ALOXE3: variants seen among roughly 807,000 people sequenced by gnomAD.
The protein encoded by ALOXE3 is hydroperoxide isomerase ALOXE3.
Under a neutral mutation model 87.5 loss-of-function variants are expected in ALOXE3, and 78 were observed. The observed-to-expected ratio is 0.89, with a 90% confidence interval of 0.74 to 1.08. The LOEUF is 1.08. Among genes scored for constraint, ALOXE3 ranks in the 50% least tolerant of loss-of-function variants. The pLI, the probability that ALOXE3 is intolerant of heterozygous loss-of-function variation, is 0.00. For synonymous variants in ALOXE3, 363 were observed against 370.8 expected, an observed-to-expected ratio of 0.98 and a Z score of 0.24; for missense variants, 946 against 912.4, an observed-to-expected ratio of 1.04 and a Z score of -0.47.
Position 8,103,511 on chromosome 17 carries a change from C to G in ALOXE3, c.1786-18G>C. ...AAGTCATGCTGTGGAGACCCCCATC[C>G]CAGTTGGGTCAGTTGGCCAGAAGGG... On this transcript the variant is annotated intron_variant, in intron 14 of 15. Transcript: ENST00000448843. 6.2e-7 allele frequency: 1 copy of G among 1,613,532 alleles called. No homozygotes were observed. The highest frequency in any genetic ancestry group is 8.5e-7 in the Non-Finnish European group (1 of 1,179,866).
intron 2 of ALOXE3, 77 bp from the exon 3 acceptor site, chr17:8,117,057 T>G: frequency 6.5e-5 from 83 of 1,270,388 alleles, no homozygotes; most frequent in Non-Finnish European, 8.4e-5. Context: ...AAGATGCATC[T>G]ACACCTAAGC....
rs779811048 is a variant in ALOXE3, at chr17:8,104,148, G to A, written c.1752C>T (p.Cys584=). 1.3e-5 allele frequency: 21 copies of A among 1,613,978 alleles called. No individual in the cohort carries two copies. The South Asian group carries it at 1.9e-4, about 14-fold the overall frequency. ...VKFLTAIIFN[C]SAQHAAVNSG... Reference sequence around the variant, plus strand: ...TGTTGACAGCAGCGTGCTGGGCAGAGCAATTGAAGATGATTGCAGTGAGGA... The same window carrying A: ...TGTTGACAGCAGCGTGCTGGGCAGAACAATTGAAGATGATTGCAGTGAGGA... The change falls in exon 14 of 16, where the codon TGC becomes TGT. Residue 584 remains cysteine, a synonymous_variant. Coordinates refer to ENST00000448843, the MANE Select transcript of ALOXE3 (RefSeq NM_021628.3).
Position 8,115,638 on chromosome 17 carries a change from G to C in ALOXE3, c.403C>G (p.Arg135Gly), listed in dbSNP as rs767851457. Residue 135 changes from arginine to glycine, a missense_variant, in exon 4 of 16, where the codon CGG becomes GGG. Physicochemically the swap from Arg to Gly is moderately radical, Grantham distance 125 (BLOSUM62 -2). Transcript: ENST00000448843. ...CATTCTTGTCGGGCCCGGAGCTCCCGTGTCCTGTGATCCAGGAGGAGGGGA... is the reference window on the plus strand; with the variant it reads ...CATTCTTGTCGGGCCCGGAGCTCCCCTGTCCTGTGATCCAGGAGGAGGGGA... ...SLPLLLDHRT[R>G]ELRARQECYR... is the part of the protein sequence containing the mutation. The C allele has an allele frequency of 1.9e-6, 3 of 1,613,998 alleles. No individual in the cohort carries two copies. In the South Asian group the frequency reaches 3.3e-5, roughly 18 times the overall value.
At position 8,110,483 on chromosome 17, in the gene ALOXE3, G is replaced by C. The variant is rs1979975057; in HGVS notation, c.1003C>G (p.Pro335Ala). Residue 335 changes from proline to alanine, a missense_variant, in exon 9 of 16, where the codon CCC becomes GCC. Physicochemically the swap from Pro to Ala is conservative, Grantham distance 27. Coordinates refer to ENST00000448843, the MANE Select transcript of ALOXE3 (RefSeq NM_021628.3). ...TGGCGGCCGTTTAGGCAGTGGGTGG[G>C]GGCCTCCGCCAGGATCCAGTAGTCC... ...LADYWILAEAPTHCLNGRQQY... is the reference protein window; with the variant it reads ...LADYWILAEAATHCLNGRQQY... The C allele has an allele frequency of 5.6e-6, 9 of 1,613,920 alleles. No individual in the cohort carries two copies. Among genetic ancestry groups the C allele is most frequent in the Non-Finnish European group, 7.6e-6 (9 of 1,179,908 alleles).
rs557000057 is a variant in ALOXE3 at position 8,110,526 on chromosome 17, C to G, written c.960G>C (p.Arg320Ser). 2 of 1,613,870 alleles carry G rather than the reference C, an allele frequency of 1.2e-6. No homozygotes were observed. Among genetic ancestry groups the G allele is most frequent in the Admixed American group, 3.3e-5 (2 of 60,010 alleles). ...AGTAGTCCGCTAGGAAGATGTTCCCCCTCTGCAGAAGGCACACAGAGGCTG... is the reference window on the plus strand; with the variant it reads ...AGTAGTCCGCTAGGAAGATGTTCCCGCTCTGCAGAAGGCACACAGAGGCTG... ...QDTCLQTELE[R>S]GNIFLADYWI... is the part of the protein sequence containing the mutation. The change falls in exon 9 of 16, where the codon AGG becomes AGC. Residue 320 changes from arginine to serine, a missense_variant and splice_region_variant. Coordinates refer to ENST00000448843, the MANE Select transcript of ALOXE3 (RefSeq NM_021628.3).
At position 8,110,543 on chromosome 17, in the gene ALOXE3, C is replaced by G; in HGVS notation, c.958-15G>C. ...ATGTTCCCCCTCTGCAGAAGGCACACAGAGGCTGAGTGTCCCTCCCTACTC... is the reference window on the plus strand; with the variant it reads ...ATGTTCCCCCTCTGCAGAAGGCACAGAGAGGCTGAGTGTCCCTCCCTACTC... On this transcript the variant is annotated splice_polypyrimidine_tract_variant and intron_variant, in intron 8 of 15. Coordinates refer to ENST00000448843, the MANE Select transcript of ALOXE3 (RefSeq NM_021628.3). 7 of 1,613,722 alleles carry G rather than the reference C, an allele frequency of 4.3e-6. No individual in the cohort carries two copies. Among genetic ancestry groups the G allele is most frequent in the Non-Finnish European group, 5.9e-6 (7 of 1,179,860 alleles).
chr17:8,101,321 C>G (rs927445692), intron 15 of ALOXE3, among the ~76,000 whole-genome samples: 3 of 152,170 alleles, frequency 2.0e-5, no homozygotes, highest in Admixed American at 1.3e-4. Context: ...AGCCACCACG[C>G]CTGGCTGCCA....
intron 13 of ALOXE3, among the ~76,000 whole-genome samples, chr17:8,107,885 GAA>G (rs1340479038): frequency 7.6e-4 from 3 of 3,938 alleles, no homozygotes; most frequent in African/African-American, 2.2e-3. Context: ...AAGAAAGAAA[GAA>G]AGAAAGAAAG....
At chr17:8,101,445 G>A (rs1056075817) in intron 15 of ALOXE3, among the ~76,000 whole-genome samples, 3 of 152,100 alleles carry the variant, frequency 2.0e-5, no homozygotes, top group Non-Finnish European at 4.4e-5. Context: ...CATTATTATT[G>A]TTGTTATAAA....
chr17:8,118,061 C>T lies in ALOXE3; in HGVS notation c.-71G>A. On this transcript the variant is annotated 5_prime_UTR_variant, in exon 2 of 16. Coordinates refer to ENST00000448843, the MANE Select transcript of ALOXE3 (RefSeq NM_021628.3). Reference sequence around the variant, plus strand: ...CAGCCGGCCTGGAGGAGAAGAGCGGCACGCCGGACAGGGCTGGGTTTCTGG... The same window carrying T: ...CAGCCGGCCTGGAGGAGAAGAGCGGTACGCCGGACAGGGCTGGGTTTCTGG... 1 of 1,580,998 alleles carries T rather than the reference C, an allele frequency of 6.3e-7. No individual in the cohort carries two copies.
intron 13 of ALOXE3, among the ~76,000 whole-genome samples, chr17:8,105,257 C>T (rs2151832691): frequency 6.6e-6 from 1 of 152,266 alleles, no homozygotes; most frequent in South Asian, 2.1e-4. Context: ...TTCTCAAATG[C>T]ACCAGCACAT....
Position 8,096,638 on chromosome 17 carries a change from C to T in ALOXE3, c.2125G>A (p.Val709Ile), listed in dbSNP as rs967438626. The change falls in exon 16 of 16, where the codon GTC becomes ATC. Residue 709 changes from valine to isoleucine, a missense_variant. Coordinates refer to ENST00000448843, the MANE Select transcript of ALOXE3 (RefSeq NM_021628.3). Reference protein sequence around the residue: ...YLDPPLIENSVSI With the variant: ...YLDPPLIENSISI Reference sequence around the variant, plus strand: ...GTATTTGGGGGTGGTTAGATGGAGACGCTGTTCTCAATGAGGGGAGGGTCC... The same window carrying T: ...GTATTTGGGGGTGGTTAGATGGAGATGCTGTTCTCAATGAGGGGAGGGTCC... 7.2e-6 allele frequency: 10 copies of T among 1,382,832 alleles called. No homozygotes were observed. Among genetic ancestry groups the T allele is most frequent in the South Asian group, 1.2e-5 (1 of 86,498 alleles). The allele number at this position is 1,382,832 out of a possible 1,614,324, so 85.7% of individuals were successfully genotyped here.
At chr17:8,114,406 AG>A (rs1980389925) in intron 6 of ALOXE3, 77 bp downstream of exon 6, 2 of 1,595,594 alleles carry the variant, frequency 1.3e-6, no homozygotes, top group East Asian at 4.5e-5. Context: ...AATAGGGAGA[AG>A]GGGCAGTCTG....
chr17:8,109,970 C>A lies in ALOXE3; in HGVS notation c.1338G>T (p.Gln446His). 1 of 1,552,068 alleles carries A rather than the reference C, an allele frequency of 6.4e-7. No homozygotes were observed. ...LLLPHTRYTL[Q>H]VNTIARATLL... The stretch of plus-strand genomic sequence containing the variant: ...GCGTGGCCCTCGCGATGGTGTTCAC[C>A]TGCAGCGTGTATCGAGTGTGGGGGA... The change falls in exon 11 of 16, where the codon CAG becomes CAT. Residue 446 changes from glutamine (Q) to histidine (H), a missense_variant. Gln to His is a conservative substitution (Grantham distance 24). Transcript: ENST00000448843.
intron 15 of ALOXE3, among the ~76,000 whole-genome samples, chr17:8,097,747 CTTTTTTTT>C (rs60450170): frequency 2.3e-5 from 3 of 129,448 alleles, no homozygotes; most frequent in Non-Finnish European, 4.8e-5. Context: ...TACTACTGAT[CTTTTTTTT>C]TTTTTTTTTT....
intron 13 of ALOXE3, among the ~76,000 whole-genome samples, chr17:8,107,964 AG>A (rs748080130): frequency 4.6e-4 from 1 of 2,188 alleles, no homozygotes; most frequent in Non-Finnish European, 1.2e-3. Flanking sequence ...AAAGAAAGGA[AG>A]GAGAGAGAGA....
intron 15 of ALOXE3, 99 bp downstream of exon 15, chr17:8,103,224 A>T: frequency 2.8e-6 from 4 of 1,408,412 alleles, no homozygotes; most frequent in Non-Finnish European, 4.0e-6. Flanking sequence ...AGTGAACATA[A>T]ATCCCGTCGA....
chr17:8,099,673 A>G (rs1248035042), intron 15 of ALOXE3, among the ~76,000 whole-genome samples: 1 of 151,652 alleles, frequency 6.6e-6, no homozygotes, highest in Non-Finnish European at 1.5e-5. Flanking sequence ...AAAAAAAAAA[A>G]AAGTAAAAAA....
chr17:8,118,819 G>A, upstream of ALOXE3: 1 of 1,536,682 alleles, frequency 6.5e-7, no homozygotes, highest in Admixed American at 2.0e-5. Flanking sequence ...CAGGATCCTG[G>A]GCGGGAGCCC....
Sources: allele counts gnomAD v4.1 joint callset (sites outside exome capture counted in the v4.1 genomes callset), GRCh38; gene constraint gnomAD v4.1.1; transcripts MANE v1.5; gene names NCBI Gene and HGNC (gene_info 2026-07-23, HGNC 2026-07-21).